The following PAX7 variants were observed in gnomAD, a reference collection of about 807,000 sequenced individuals.
PAX7 encodes the protein paired box protein Pax-7.
PAX7 carries 18 observed loss-of-function variants against 50.7 expected under a neutral mutation model. The ratio of observed to expected loss-of-function variants is 0.36; its 90% CI spans 0.25 to 0.53. The LOEUF is 0.53. Ranked by LOEUF, PAX7 falls within the 20% of genes least tolerant of loss-of-function variation. PAX7 has a pLI of 0.93. For missense variants in PAX7, 644 were observed against 702.9 expected (o/e 0.92, Z 0.95); for synonymous variants, 310 against 290.4 (o/e 1.07, Z -0.69).
At chr1:18,716,767 C>T (rs1475333312) in intron 7 of PAX7, among the ~76,000 whole-genome samples, 1 of 152,010 alleles carries the variant, frequency 6.6e-6, no homozygotes, top group Non-Finnish European at 1.5e-5. Flanking sequence ...TCCCCCTAAT[C>T]TCTCTCATTC....
intron 4 of PAX7, among the ~76,000 whole-genome samples, chr1:18,659,210 C>G (rs1218696070): frequency 3.3e-5 from 5 of 152,188 alleles, no homozygotes; most frequent in Non-Finnish European, 7.3e-5. Flanking sequence ...GAGCAAGGAC[C>G]AGTCAACTAC....
Position 18,634,538 on chromosome 1 carries a change from A to C in PAX7, c.321A>C (p.Arg107Ser), listed in dbSNP as rs1215976861. 6.2e-7 allele frequency: 1 copy of C among 1,613,352 alleles called. No individual in the cohort carries two copies. Among genetic ancestry groups the C allele is most frequent in the South Asian group, 1.1e-5 (1 of 91,076 alleles). ...GGGCCATCGGCGGCAGCAAGCCCAG[A>C]GTGAGTGTCTTTGCCACAGAGGCTG... ...RPGAIGGSKPRQVATPDVEKK... is the reference protein window; with the variant it reads ...RPGAIGGSKPSQVATPDVEKK... The change falls in exon 2 of 9, where the codon AGA becomes AGC. Residue 107 changes from arginine (R) to serine (S), a missense_variant and splice_region_variant. Coordinates refer to ENST00000420770, the MANE Select transcript of PAX7 (RefSeq NM_001135254.2). The surrounding 1 kb of genome is among the most constrained non-coding windows in gnomAD (Gnocchi z 4.0).
chr1:18,669,868 G>A (rs2088718251), intron 4 of PAX7, among the ~76,000 whole-genome samples: 1 of 152,124 alleles, frequency 6.6e-6, no homozygotes, highest in South Asian at 2.1e-4. Context: ...GGTGGATCAC[G>A]AGGTCAGGAG....
intron 4 of PAX7, among the ~76,000 whole-genome samples, chr1:18,680,113 GT>G: frequency 1.3e-5 from 2 of 152,278 alleles, no homozygotes; most frequent in African/African-American, 4.8e-5. Flanking sequence ...GAGGGATGAA[GT>G]TACTTTCCTA....
In PAX7 at chr1:18,649,611, C is replaced by A. The variant is rs116280134; in HGVS notation, c.586+13240C>A. The stretch of plus-strand genomic sequence containing the variant: ...AAGCCATTGCCACACCCACCCCACC[C>A]CGCTATCACCCACACTCCCAGCACC... On this transcript the variant is annotated intron_variant, in intron 4 of 8. Transcript: ENST00000420770. 8.5e-3 allele frequency among the ~76,000 whole-genome samples: 1,300 copies of A among 152,270 alleles called. 14 individuals are homozygous for A. The highest frequency in any genetic ancestry group is 0.027 in the African/African-American group (1,132 of 41,552).
intron 4 of PAX7, among the ~76,000 whole-genome samples, chr1:18,654,735 A>G (rs1418306584): frequency 2.0e-5 from 3 of 152,276 alleles, no homozygotes; most frequent in Admixed American, 6.5e-5. Context: ...TGGAGGATTT[A>G]CCATGAGCTA....
intron 4 of PAX7, among the ~76,000 whole-genome samples, chr1:18,671,430 C>G (rs1391405163): frequency 6.6e-6 from 1 of 152,104 alleles, no homozygotes; most frequent in African/African-American, 2.4e-5. Flanking sequence ...CTCTTATTTC[C>G]AGGGGAATCT....
At chr1:18,637,400 C>A (rs983538836) in intron 4 of PAX7, among the ~76,000 whole-genome samples, 6 of 151,988 alleles carry the variant, frequency 3.9e-5, no homozygotes, top group Admixed American at 6.6e-5. Flanking sequence ...AAGAAAAGGC[C>A]CCAAACACAT....
chr1:18,736,979 C>T (rs761788967), intron 8 of PAX7, among the ~76,000 whole-genome samples: 1 of 152,206 alleles, frequency 6.6e-6, no homozygotes, highest in Non-Finnish European at 1.5e-5. Flanking sequence ...TTCCAACTCT[C>T]TCCTCCACTC....
At chr1:18,721,024 A>T (rs1201419902) in intron 7 of PAX7, among the ~76,000 whole-genome samples, 1 of 152,036 alleles carries the variant, frequency 6.6e-6, no homozygotes, top group Non-Finnish European at 1.5e-5. Context: ...ATGTTGGTCC[A>T]CGGGAGCAGC....
intron 7 of PAX7, among the ~76,000 whole-genome samples, chr1:18,727,306 C>G (rs2089584686): frequency 6.6e-6 from 1 of 151,480 alleles, no homozygotes; most frequent in Admixed American, 6.6e-5. Flanking sequence ...ACACAGTACT[C>G]ACACATGCAC....
At chr1:18,644,888 C>CTTCA (rs1431811579) in intron 4 of PAX7, among the ~76,000 whole-genome samples, 1 of 152,114 alleles carries the variant, frequency 6.6e-6, no homozygotes, top group Non-Finnish European at 1.5e-5. Flanking sequence ...GTGTGAATGT[C>CTTCA]TTCATTCATT....
intron 7 of PAX7, among the ~76,000 whole-genome samples, chr1:18,725,314 C>G (rs1049640165): frequency 0.015 from 170 of 11,026 alleles, 7 homozygotes; most frequent in Admixed American, 0.075. Context: ...CCCCCCCCCG[C>G]CCCACCAACA....
chr1:18,663,633 C>T (rs148695870), intron 4 of PAX7, among the ~76,000 whole-genome samples: 14,085 of 152,268 alleles, frequency 0.093, 783 homozygotes, highest in Admixed American at 0.13. Flanking sequence ...CCACCCGTCT[C>T]GGCCTCCCAA....
rs1459800261 is a variant in PAX7 at position 18,682,264 on chromosome 1, A to T, written c.587-9490A>T. 2.6e-5 allele frequency among the ~76,000 whole-genome samples: 4 copies of T among 152,034 alleles called. 1 individual carries two copies. The East Asian group carries it at 7.8e-4, about 30-fold the overall frequency. ...TTGGAGTCAGACAGAGCATATTTGGATCCTCACATTGCCAATGCTTCCTAG... is the reference window on the plus strand; with the variant it reads ...TTGGAGTCAGACAGAGCATATTTGGTTCCTCACATTGCCAATGCTTCCTAG... On this transcript the variant is annotated intron_variant, in intron 4 of 8. Transcript: ENST00000420770.
intron 7 of PAX7, among the ~76,000 whole-genome samples, chr1:18,703,928 A>G (rs1186469314): frequency 6.6e-6 from 1 of 152,176 alleles, no homozygotes; most frequent in Non-Finnish European, 1.5e-5. Context: ...TCCCAGCTCT[A>G]CTGCTCAGGG....
rs1195735836 is a variant in PAX7, at chr1:18,698,896, T to G, written c.787-1757T>G. Among the ~76,000 whole-genome samples the G allele has an allele frequency of 2.0e-5, 3 of 152,100 alleles. No homozygotes were observed. In the East Asian group the frequency reaches 5.8e-4, roughly 29 times the overall value. ...CACCCGGGAAGGATGGCTCTAGGGG[T>G]GCATAAGCGCCCTCCACCTGGCTGC... On this transcript the variant is annotated intron_variant, in intron 5 of 8. Coordinates refer to ENST00000420770, the MANE Select transcript of PAX7 (RefSeq NM_001135254.2).
chr1:18,709,631 T>C (rs1421794149), intron 7 of PAX7, among the ~76,000 whole-genome samples: 3 of 152,236 alleles, frequency 2.0e-5, no homozygotes, highest in African/African-American at 7.2e-5. Context: ...GCTGTTATCT[T>C]GTGACCCTCG....
At position 18,649,538 on chromosome 1, in the gene PAX7, C is replaced by A. The variant is rs185343497; in HGVS notation, c.586+13167C>A. On this transcript the variant is annotated intron_variant, in intron 4 of 8. Transcript: ENST00000420770. The stretch of plus-strand genomic sequence containing the variant: ...AATTGCAGCCCCCATCCCCCTCCCC[C>A]GTTCTTCATAAACCCCAGATTCTCA... 1.5e-3 allele frequency among the ~76,000 whole-genome samples: 224 copies of A among 152,140 alleles called. 1 individual carries two copies. Among genetic ancestry groups the A allele is most frequent in the South Asian group, 9.8e-3 (47 of 4,812 alleles).
Sources: gnomAD v4.1 joint callset for allele counts (sites outside exome capture counted in the v4.1 genomes callset) on GRCh38, gnomAD v4.1.1 for gene constraint, Gnocchi (gnomAD v3.1) non-coding constraint, MANE v1.5 for transcripts, NCBI Gene and HGNC (gene_info 2026-07-23, HGNC 2026-07-21) for gene names.